Variants in PRKN observed in about 807,000 individuals in gnomAD.
PRKN encodes parkin RBR E3 ubiquitin protein ligase, also known as E3 ubiquitin-protein ligase parkin.
Under a neutral mutation model 59.5 loss-of-function variants are expected in PRKN, and 56 were observed. That is an observed-to-expected ratio of 0.94 (90% CI 0.76 to 1.18). The LOEUF (loss-of-function observed/expected upper bound fraction) is 1.18, where lower values mean the gene tolerates loss of function less well. Ranked by LOEUF, PRKN falls within the 50% of genes most tolerant of loss-of-function variation. The probability of loss-of-function intolerance (pLI) is 0.00; values close to 1 mark genes in which losing one functional copy is unlikely to be tolerated. For missense variants in PRKN, 657 were observed against 596.4 expected (o/e 1.10, Z -1.06); for synonymous variants, 250 against 222.1 (o/e 1.13, Z -1.12).
chr6:161,912,844 C>G (rs1401937833), intron 6 of PRKN, among the ~76,000 whole-genome samples: 4 of 152,000 alleles, frequency 2.6e-5, no homozygotes, highest in Non-Finnish European at 5.9e-5. Flanking sequence ...AATTCATAAC[C>G]CTCAGAATTT....
At chr6:161,595,302 T>G (rs1781874652) in intron 7 of PRKN, among the ~76,000 whole-genome samples, 1 of 152,050 alleles carries the variant, frequency 6.6e-6, no homozygotes, top group African/African-American at 2.4e-5. Context: ...GACAACAAGA[T>G]ACTCCAAAGG....
intron 5 of PRKN, among the ~76,000 whole-genome samples, chr6:162,020,876 G>A (rs938507023): frequency 6.6e-6 from 1 of 151,648 alleles, no homozygotes; most frequent in Admixed American, 6.6e-5. Context: ...AAGCCAAGGC[G>A]GGCAGACTGT....
intron 1 of PRKN, among the ~76,000 whole-genome samples, chr6:162,505,078 T>A (rs376342835): frequency 2.0e-5 from 3 of 152,172 alleles, no homozygotes; most frequent in East Asian, 3.9e-4. Flanking sequence ...AGCACTTCCA[T>A]AAACTGCCAG....
At chr6:161,636,970 C>T (rs1783546690) in intron 7 of PRKN, among the ~76,000 whole-genome samples, 2 of 152,146 alleles carry the variant, frequency 1.3e-5, no homozygotes, top group African/African-American at 4.8e-5. Flanking sequence ...ACACCTGTTA[C>T]CAAAAGTGCC....
chr6:161,567,268 G>A (rs1780689794), intron 8 of PRKN, among the ~76,000 whole-genome samples: 1 of 151,956 alleles, frequency 6.6e-6, no homozygotes. Flanking sequence ...GGCTGGTCTC[G>A]AACTTCTGGC....
At chr6:162,051,335 T>C (rs1777635660) in intron 5 of PRKN, among the ~76,000 whole-genome samples, 1 of 152,090 alleles carries the variant, frequency 6.6e-6, no homozygotes, top group Non-Finnish European at 1.5e-5. Context: ...ACTGGAGAGA[T>C]GCCCGGTGAG....
intron 6 of PRKN, among the ~76,000 whole-genome samples, chr6:161,937,805 T>A (rs1159763964): frequency 3.3e-5 from 5 of 152,214 alleles, no homozygotes; most frequent in Admixed American, 2.0e-4. Flanking sequence ...TTTCTAGATA[T>A]ATGACAAAGC....
rs747074530 is a variant in PRKN, at chr6:161,410,337, C to T, written c.1084-23460G>A. 6.5e-4 allele frequency among the ~76,000 whole-genome samples: 99 copies of T among 152,148 alleles called. No individual in the cohort carries two copies. The highest frequency in any genetic ancestry group is 1.0e-3 in the Non-Finnish European group (68 of 68,028). ...TTGATGTGAGCGCCATGCTGAGCCC[C>T]GCTCATACCCACTGGGCCCAGCTCT... is the stretch of plus-strand genomic sequence containing the variant. On this transcript the variant is annotated intron_variant, in intron 9 of 11. Coordinates refer to ENST00000366898, the MANE Select transcript of PRKN (RefSeq NM_004562.3). This position sits in a 1 kb window ranked among gnomAD's most constrained non-coding sequence, Gnocchi z 5.3.
chr6:161,457,420 G>T lies in PRKN; in HGVS notation c.1084-70543C>A, dbSNP rs371659437. On this transcript the variant is annotated intron_variant, in intron 9 of 11. Coordinates refer to ENST00000366898, the MANE Select transcript of PRKN (RefSeq NM_004562.3). The surrounding 1 kb of genome is among the most constrained non-coding windows in gnomAD (Gnocchi z 5.0). Reference sequence around the variant, plus strand: ...AAATAAAAAAGCTACTACTTTAATAGAAATTACCTCTTCTAATTGCCCTAC... The same window carrying T: ...AAATAAAAAAGCTACTACTTTAATATAAATTACCTCTTCTAATTGCCCTAC... 5.3e-5 allele frequency among the ~76,000 whole-genome samples: 8 copies of T among 152,264 alleles called. No individual in the cohort carries two copies. In the South Asian group the frequency reaches 1.0e-3, roughly 20 times the overall value.
rs566126778 is a variant in PRKN, at chr6:161,553,439, G to A, written c.934-4436C>T. 4.1e-5 allele frequency among the ~76,000 whole-genome samples: 6 copies of A among 145,758 alleles called. No homozygotes were observed. In the South Asian group the frequency reaches 1.1e-3, roughly 26 times the overall value. On this transcript the variant is annotated intron_variant, in intron 8 of 11. Coordinates refer to ENST00000366898, the MANE Select transcript of PRKN (RefSeq NM_004562.3). Reference sequence around the variant, plus strand: ...TTTTGGTCCCTCCCTCTATCTCTCTGTCCTCCTTTCTCCTCTTCCTTCTTT... The same window carrying A: ...TTTTGGTCCCTCCCTCTATCTCTCTATCCTCCTTTCTCCTCTTCCTTCTTT...
chr6:162,415,109 G>A (rs1277304971), intron 2 of PRKN, among the ~76,000 whole-genome samples: 3 of 152,086 alleles, frequency 2.0e-5, no homozygotes, highest in East Asian at 3.8e-4. Context: ...TTCTGAAATC[G>A]AAGATGCGGC....
intron 1 of PRKN, among the ~76,000 whole-genome samples, chr6:162,612,192 C>CAAAAAA (rs796515239): frequency 6.6e-4 from 43 of 64,850 alleles, no homozygotes; most frequent in African/African-American, 2.1e-3. Flanking sequence ...GACTCCATCT[C>CAAAAAA]AAAAAAAAAA....
At chr6:161,424,245 G>A (rs11960950) in intron 9 of PRKN, among the ~76,000 whole-genome samples, 5,655 of 150,708 alleles carry the variant, frequency 0.038, 331 homozygotes, top group African/African-American at 0.13. Flanking sequence ...GCCATGGCAG[G>A]AGAATCACTT....
At chr6:161,977,666 C>T (rs1583431797) in intron 5 of PRKN, among the ~76,000 whole-genome samples, 1 of 151,620 alleles carries the variant, frequency 6.6e-6, no homozygotes, top group Non-Finnish European at 1.5e-5. Context: ...CCTGCCTCAG[C>T]CTCCCAAGTA....
chr6:162,132,363 C>T (rs1405460288), intron 4 of PRKN, among the ~76,000 whole-genome samples: 1 of 152,088 alleles, frequency 6.6e-6, no homozygotes, highest in Non-Finnish European at 1.5e-5. Flanking sequence ...AGAGCTTCAC[C>T]TCGACCACGG....
intron 2 of PRKN, among the ~76,000 whole-genome samples, chr6:162,331,833 G>A (rs1262285767): frequency 6.6e-6 from 1 of 152,122 alleles, no homozygotes; most frequent in Non-Finnish European, 1.5e-5. Context: ...TGGGGTTATT[G>A]TCTCTGACAC....
chr6:162,100,367 T>A (rs1348588912), intron 4 of PRKN, among the ~76,000 whole-genome samples: 1 of 152,152 alleles, frequency 6.6e-6, no homozygotes, highest in Non-Finnish European at 1.5e-5. Context: ...CTGTACCAAT[T>A]TACATTCCCA....
At chr6:162,253,281 A>G (rs1779512710) in intron 3 of PRKN, among the ~76,000 whole-genome samples, 1 of 148,704 alleles carries the variant, frequency 6.7e-6, no homozygotes, top group Non-Finnish European at 1.5e-5. Context: ...CAGGCAACAA[A>G]TCTAATCTAA....
chr6:161,614,669 A>C (rs562728422), intron 7 of PRKN, among the ~76,000 whole-genome samples: 1 of 152,374 alleles, frequency 6.6e-6, no homozygotes, highest in Non-Finnish European at 1.5e-5. Flanking sequence ...ATATGTATAG[A>C]CACTACAGTG....
Sources: allele counts gnomAD v4.1 joint callset (sites outside exome capture counted in the v4.1 genomes callset), GRCh38; gene constraint gnomAD v4.1.1; non-coding constraint Gnocchi (gnomAD v3.1); transcripts MANE v1.5; gene names NCBI Gene and HGNC (gene_info 2026-07-23, HGNC 2026-07-21).